Variants in TMLHE observed in about 807,000 individuals in gnomAD.
The protein encoded by TMLHE is trimethyllysine hydroxylase, epsilon.
TMLHE carries 18 observed loss-of-function variants against 25.7 expected under a neutral mutation model. The observed-to-expected ratio is 0.70, with a 90% CI of 0.48 to 1.04. TMLHE has a LOEUF of 1.04. Ranked by LOEUF, TMLHE falls within the 50% of genes least tolerant of loss-of-function variation. The pLI, the probability that TMLHE is intolerant of heterozygous loss-of-function variation, is 0.00. For synonymous variants in TMLHE, 105 were observed against 97.0 expected, an observed-to-expected ratio of 1.08 and a Z score of -0.49; for missense variants, 236 against 259.0, an observed-to-expected ratio of 0.91 and a Z score of 0.61.
intron 1 of TMLHE, among the ~76,000 whole-genome samples, chrX:155,555,328 C>T (rs2067443510): frequency 9.0e-6 from 1 of 110,506 alleles, no homozygotes; most frequent in African/African-American, 3.3e-5. Context: ...AACTGTGCTG[C>T]AATAAACATA....
chrX:155,522,200 G>T (rs965888755), intron 3 of TMLHE, among the ~76,000 whole-genome samples: 3 of 112,025 alleles, frequency 2.7e-5, no homozygotes, highest in Non-Finnish European at 3.8e-5. Flanking sequence ...AGTAGTCAAT[G>T]TATGCATCAT....
chrX:155,548,520 GGTC>G (rs1557339311), intron 1 of TMLHE, among the ~76,000 whole-genome samples: 4 of 108,093 alleles, frequency 3.7e-5, no homozygotes, highest in Non-Finnish European at 7.6e-5. Flanking sequence ...CGGATCACAA[GGTC>G]AGCAGTATGA....
intron 1 of TMLHE, among the ~76,000 whole-genome samples, chrX:155,595,070 A>G (rs1179635536): frequency 8.9e-6 from 1 of 112,309 alleles, no homozygotes; most frequent in Non-Finnish European, 1.9e-5. Flanking sequence ...TTACTACCAC[A>G]AAATATATAC....
At chrX:155,554,190 T>G (rs1241020402) in intron 1 of TMLHE, among the ~76,000 whole-genome samples, 1 of 109,605 alleles carries the variant, frequency 9.1e-6, no homozygotes, top group African/African-American at 3.4e-5. Context: ...TTTTTTTAAA[T>G]ATGATCAATG....
Position 155,609,019 on chromosome X carries a change from C to G in TMLHE, c.-2+3773G>C, listed in dbSNP as rs1331586941. On this transcript the variant is annotated intron_variant, in intron 1 of 7. Transcript: ENST00000334398. ...AACTTAAGACAGAACTACCATTTGA[C>G]CCAGCCATCCATTATTGGGTATATA... is the stretch of plus-strand genomic sequence containing the variant. Among the ~76,000 whole-genome samples the G allele has an allele frequency of 4.5e-5, 5 of 111,994 alleles. No homozygotes were observed. The Admixed American group carries it at 4.7e-4, about 11-fold the overall frequency.
intron 1 of TMLHE, among the ~76,000 whole-genome samples, chrX:155,580,845 C>G (rs1397112954): frequency 4.5e-5 from 5 of 111,647 alleles, no homozygotes; most frequent in Non-Finnish European, 9.4e-5. Flanking sequence ...CATCCTGATA[C>G]CAAAGCCTGG....
In TMLHE at chrX:155,561,543, C is replaced by G. The variant is rs1169377107; in HGVS notation, c.-1-16266G>C. On this transcript the variant is annotated intron_variant, in intron 1 of 7. Transcript: ENST00000334398. ...TTTTCACATTTCAAACCCAATCATG[C>G]CTTCCCAACAGCCCCCAAAGTCTTA... Among the ~76,000 whole-genome samples the G allele has an allele frequency of 9.7e-5, 6 of 61,549 alleles. 3 individuals are homozygous for G. The highest frequency in any genetic ancestry group is 1.8e-4 in the Non-Finnish European group (4 of 21,981). The allele number at this position is 61,549 out of a possible 115,157, so 53.4% of individuals were successfully genotyped here.
At chrX:155,570,099 T>G (rs2067538951) in intron 1 of TMLHE, among the ~76,000 whole-genome samples, 1 of 55,911 alleles carries the variant, frequency 1.8e-5, no homozygotes. Flanking sequence ...CCATCTCACG[T>G]GCAGAGACAC....
chrX:155,547,159 T>G (rs2067351236), intron 1 of TMLHE, among the ~76,000 whole-genome samples: 1 of 109,407 alleles, frequency 9.1e-6, no homozygotes, highest in Admixed American at 9.7e-5. Flanking sequence ...CTTTTTTTTT[T>G]TTTGAGACGG....
intron 2 of TMLHE, among the ~76,000 whole-genome samples, chrX:155,536,678 AT>A (rs1338775691): frequency 1.8e-5 from 2 of 112,210 alleles, no homozygotes; most frequent in Admixed American, 9.5e-5. Flanking sequence ...CTAAAAATTC[AT>A]TTATTCAAGG....
chrX:155,592,906 C>A (rs1557346128), intron 1 of TMLHE, among the ~76,000 whole-genome samples: 2 of 111,865 alleles, frequency 1.8e-5, no homozygotes, highest in Non-Finnish European at 3.8e-5. Context: ...CCATGCCCAG[C>A]CTCAGACTCC....
At chrX:155,556,646 C>T (rs191441940) in intron 1 of TMLHE, among the ~76,000 whole-genome samples, 2 of 109,582 alleles carry the variant, frequency 1.8e-5, no homozygotes, top group African/African-American at 3.3e-5. Flanking sequence ...AGGACGGAAG[C>T]GAAATTAAAA....
chrX:155,516,029 T>TTTA (rs55756180), intron 3 of TMLHE, among the ~76,000 whole-genome samples: 2 of 88,198 alleles, frequency 2.3e-5, no homozygotes, highest in Non-Finnish European at 4.6e-5. Flanking sequence ...TTTTTTTTTT[T>TTTA]ATTATACTCT....
Position 155,564,445 on chromosome X carries a change from C to A in TMLHE, c.-1-19168G>T, listed in dbSNP as rs782769850. ...AAGAAGGAAGCACAGTCTCAGACTG[C>A]AATGCAGATCTAAGAAAGTTTCAGG... On this transcript the variant is annotated intron_variant, in intron 1 of 7. Transcript: ENST00000334398. 4.9e-5 allele frequency among the ~76,000 whole-genome samples: 3 copies of A among 61,808 alleles called. 1 individual carries two copies. In the East Asian group the frequency reaches 2.2e-3, roughly 45 times the overall value. 53.7% of individuals were successfully genotyped at this position (61,808 alleles called of 115,157 possible).
chrX:155,580,914 A>G (rs2067622977), intron 1 of TMLHE, among the ~76,000 whole-genome samples: 1 of 112,154 alleles, frequency 8.9e-6, no homozygotes, highest in African/African-American at 3.2e-5. Context: ...CATCGATGCA[A>G]AAATCCTCAA....
chrX:155,580,511 A>G (rs183694032), intron 1 of TMLHE, among the ~76,000 whole-genome samples: 169 of 112,395 alleles, frequency 1.5e-3, no homozygotes, highest in African/African-American at 5.3e-3. Context: ...GCCATTATAT[A>G]AAAAGGATAC....
rs1343525675 is a variant in TMLHE, at chrX:155,569,482, G to A, written c.-1-24205C>T. Among the ~76,000 whole-genome samples, 15 of 56,528 alleles carry A rather than the reference G, an allele frequency of 2.7e-4. 4 individuals are homozygous for A. Among genetic ancestry groups the A allele is most frequent in the Non-Finnish European group, 4.6e-4 (10 of 21,871 alleles). 49.1% of individuals were successfully genotyped at this position (56,528 alleles called of 115,157 possible). A position where few individuals can be genotyped will look rare whatever the true frequency, so the allele number is the denominator to read the frequency against. On this transcript the variant is annotated intron_variant, in intron 1 of 7. Coordinates refer to ENST00000334398, the MANE Select transcript of TMLHE (RefSeq NM_018196.4). ...AACATTCAGGTTCAGGAAATACAGAGAACGCCACAAAGATACTCCTTGAGA... is the reference window on the plus strand; with the variant it reads ...AACATTCAGGTTCAGGAAATACAGAAAACGCCACAAAGATACTCCTTGAGA...
intron 1 of TMLHE, among the ~76,000 whole-genome samples, chrX:155,585,899 T>C (rs917346716): frequency 3.6e-5 from 4 of 111,293 alleles, no homozygotes; most frequent in African/African-American, 9.8e-5. Flanking sequence ...TAGAAATCAA[T>C]AGCAAGAAGA....
intron 2 of TMLHE, among the ~76,000 whole-genome samples, chrX:155,538,705 GT>G (rs2067294301): frequency 9.0e-6 from 1 of 111,335 alleles, no homozygotes; most frequent in African/African-American, 3.3e-5. Context: ...CTTTCTTTCT[GT>G]TACAATCGTT....
Sources: gnomAD v4.1 joint callset for allele counts (sites outside exome capture counted in the v4.1 genomes callset) on GRCh38, gnomAD v4.1.1 for gene constraint, MANE v1.5 for transcripts, NCBI Gene and HGNC (gene_info 2026-07-23, HGNC 2026-07-21) for gene names.